DNAH11: variants seen among roughly 807,000 people sequenced by gnomAD.
DNAH11 encodes the protein dynein axonemal heavy chain 11.
DNAH11 carries 442 observed loss-of-function variants against 526.0 expected under a neutral mutation model. That is an observed-to-expected ratio of 0.84 (90% CI 0.78 to 0.91). The LOEUF (loss-of-function observed/expected upper bound fraction) is 0.91. Ranked by LOEUF, DNAH11 falls within the 40% of genes least tolerant of loss-of-function variation. The pLI, the probability that DNAH11 is intolerant of heterozygous loss-of-function variation, is 0.00. For synonymous variants in DNAH11, 2,461 were observed against 1,935.9 expected (o/e 1.27, Z -7.12); for missense variants, 6,989 against 5,448.7 (o/e 1.28, Z -8.90).
At chr7:21,798,302 G>A (rs1039066494) in intron 61 of DNAH11, among the ~76,000 whole-genome samples, 1 of 152,134 alleles carries the variant, frequency 6.6e-6, no homozygotes, top group African/African-American at 2.4e-5. Flanking sequence ...CACCCTGCTG[G>A]CCAAGCCGAT....
Position 21,868,907 on chromosome 7 carries a change from T to A in DNAH11, c.11883T>A (p.Asn3961Lys). 1 of 1,614,018 alleles carries A rather than the reference T, an allele frequency of 6.2e-7. No homozygotes were observed. ...GFTIDSGKFH[N>K]VSLGQGQETV... ...CAATTGACTCTGGAAAATTCCACAA[T>A]GTGTCTTTAGGACAAGGTCAGGAGA... Residue 3961 changes from asparagine (N) to lysine (K), a missense_variant, in exon 73 of 82, where the codon AAT becomes AAA. Transcript: ENST00000409508.
At chr7:21,675,318 C>T (rs2128470499) in intron 30 of DNAH11, among the ~76,000 whole-genome samples, 1 of 152,196 alleles carries the variant, frequency 6.6e-6, no homozygotes, top group South Asian at 2.1e-4. Context: ...CACAGAGCCA[C>T]CCGATCCATT....
chr7:21,784,615 TGA>T, intron 58 of DNAH11, 75 bp downstream of exon 58: 1 of 1,077,648 alleles, frequency 9.3e-7, no homozygotes, highest in Non-Finnish European at 1.3e-6. Context: ...ATAACTGAGC[TGA>T]GAGAGTAGCC....
chr7:21,654,031 T>G (rs974991588), intron 28 of DNAH11, among the ~76,000 whole-genome samples: 35 of 152,210 alleles, frequency 2.3e-4, no homozygotes, highest in Non-Finnish European at 8.8e-5. Context: ...TGCTTGGAAA[T>G]GTTTTGTATT....
intron 45 of DNAH11, among the ~76,000 whole-genome samples, chr7:21,734,935 C>T (rs1290115914): frequency 1.3e-5 from 2 of 151,890 alleles, no homozygotes; most frequent in Non-Finnish European, 2.9e-5. Context: ...ACTTTGGGAG[C>T]CCGAGGCGGG....
At chr7:21,589,186 T>C in intron 11 of DNAH11, 22 bp from the exon 12 acceptor site, 1 of 1,572,648 alleles carries the variant, frequency 6.4e-7, no homozygotes. Flanking sequence ...TATAAACCAG[T>C]AGAAAAACCT....
chr7:21,588,234 A>G lies in DNAH11; in HGVS notation c.1848+33A>G, dbSNP rs180790240. ...GTGGATAAGGTTGGACACATTTACA[A>G]TATCATTTAGGCGGATAATGACCAT... is the stretch of plus-strand genomic sequence containing the variant. On this transcript the variant is annotated intron_variant, in intron 10 of 81. Coordinates refer to ENST00000409508, the MANE Select transcript of DNAH11 (RefSeq NM_001277115.2). 9.0e-5 allele frequency: 144 copies of G among 1,595,374 alleles called. 1 individual carries two copies. The African/African-American group carries it at 1.8e-3, about 20-fold the overall frequency.
intron 55 of DNAH11, among the ~76,000 whole-genome samples, chr7:21,769,216 A>G (rs530770889): frequency 2.0e-5 from 3 of 152,344 alleles, no homozygotes; most frequent in African/African-American, 7.2e-5. Context: ...TGGCTGAGGA[A>G]AGACACAAGT....
In DNAH11 at chr7:21,773,982, A is replaced by G; in HGVS notation, c.9319A>G (p.Lys3107Glu). Reference sequence around the variant, plus strand: ...CCTGGTGAACGGCATCCAAAAGCTAAAAACCACAGCCTCTCAGGTATGACC... The same window carrying G: ...CCTGGTGAACGGCATCCAAAAGCTAGAAACCACAGCCTCTCAGGTATGACC... ...ERLVNGIQKL[K>E]TTASQVGDLK... Residue 3107 changes from lysine to glutamate, a missense_variant, in exon 56 of 82, where the codon AAA becomes GAA. Lys to Glu is a moderately conservative substitution (Grantham distance 56). Transcript: ENST00000409508. The G allele has an allele frequency of 1.9e-6, 3 of 1,567,786 alleles. No homozygotes were observed. Among genetic ancestry groups the G allele is most frequent in the Non-Finnish European group, 2.6e-6 (3 of 1,157,098 alleles).
intron 34 of DNAH11, among the ~76,000 whole-genome samples, chr7:21,690,109 A>G (rs1783549246): frequency 6.6e-6 from 1 of 152,178 alleles, no homozygotes; most frequent in Non-Finnish European, 1.5e-5. Flanking sequence ...ACCCATTTAT[A>G]TTTATAATCC....
intron 65 of DNAH11, among the ~76,000 whole-genome samples, chr7:21,841,607 T>TG (rs945509424): frequency 7.8e-4 from 116 of 149,008 alleles, no homozygotes; most frequent in African/African-American, 2.9e-3. Context: ...TGAGTGAGTG[T>TG]GGGGGTGTGT....
chr7:21,609,027 T>C (rs530443641), intron 20 of DNAH11, among the ~76,000 whole-genome samples: 30 of 152,252 alleles, frequency 2.0e-4, no homozygotes, highest in African/African-American at 6.7e-4. Context: ...GGCATCTCAG[T>C]CCACAAGACA....
intron 10 of DNAH11, 85 bp downstream of exon 10, chr7:21,588,286 T>A (rs965543303): frequency 6.8e-7 from 1 of 1,475,418 alleles, no homozygotes; most frequent in East Asian, 2.3e-5. Flanking sequence ...TGATTATATC[T>A]AAAGATTAGA....
rs1784794601 is a variant in DNAH11 at position 21,901,055 on chromosome 7, A to C, written c.13352A>C (p.Lys4451Thr). ...QAGTIVEARLKELACPMPVIF... is the reference protein window; with the variant it reads ...QAGTIVEARLTELACPMPVIF... Reference sequence around the variant, plus strand: ...GGAACCATTGTTGAAGCCCGTCTCAAGGAGCTGGCATGCCCTATGCCGGTC... The same window carrying C: ...GGAACCATTGTTGAAGCCCGTCTCACGGAGCTGGCATGCCCTATGCCGGTC... Residue 4451 changes from lysine (K) to threonine (T), a missense_variant, in exon 82 of 82, where the codon AAG (lysine) becomes ACG (threonine). Lys to Thr is a moderately conservative substitution (Grantham distance 78). Transcript: ENST00000409508. 1 of 1,613,274 alleles carries C rather than the reference A, an allele frequency of 6.2e-7. No homozygotes were observed. The highest frequency in any genetic ancestry group is 1.3e-5 in the African/African-American group (1 of 74,906).
Position 21,880,901 on chromosome 7 carries a change from C to G in DNAH11, c.12387+8C>G, listed in dbSNP as rs763926047. On this transcript the variant is annotated splice_region_variant and intron_variant, in intron 75 of 81. Transcript: ENST00000409508. Reference sequence around the variant, plus strand: ...TTAGAGGCAAACTCTAAAGTAAGTGCTAGTGGTCAAATAACCTCTTCCAAG... The same window carrying G: ...TTAGAGGCAAACTCTAAAGTAAGTGGTAGTGGTCAAATAACCTCTTCCAAG... 1.7e-5 allele frequency: 27 copies of G among 1,588,642 alleles called. No individual in the cohort carries two copies. In the African/African-American group the frequency reaches 3.7e-4, roughly 22 times the overall value.
rs568643085 is a variant in DNAH11 at position 21,843,736 on chromosome 7, C to T, written c.10896+988C>T. Reference sequence around the variant, plus strand: ...CCTTGTGATCCTCCAGCCTCAGCCTCCCAAAGTGCTGGGATTACAGGCATG... The same window carrying T: ...CCTTGTGATCCTCCAGCCTCAGCCTTCCAAAGTGCTGGGATTACAGGCATG... On this transcript the variant is annotated intron_variant, in intron 66 of 81. Transcript: ENST00000409508. Among the ~76,000 whole-genome samples the T allele has an allele frequency of 2.0e-5, 3 of 152,222 alleles. No homozygotes were observed. The East Asian group carries it at 5.8e-4, about 29-fold the overall frequency.
rs182280784 is a variant in DNAH11, at chr7:21,576,746, A to G, written c.1593+4773A>G. On this transcript the variant is annotated intron_variant, in intron 8 of 81. Coordinates refer to ENST00000409508, the MANE Select transcript of DNAH11 (RefSeq NM_001277115.2). ...TAAGAAAGACAGAATTCTTAAGTGTATTTCAAGGAAATGTAAAAACAAAGT... is the reference window on the plus strand; with the variant it reads ...TAAGAAAGACAGAATTCTTAAGTGTGTTTCAAGGAAATGTAAAAACAAAGT... Among the ~76,000 whole-genome samples the G allele has an allele frequency of 7.0e-4, 107 of 152,300 alleles. 1 individual carries two copies. The highest frequency in any genetic ancestry group is 2.5e-3 in the African/African-American group (104 of 41,570).
chr7:21,562,334 C>A (rs1459043792), intron 5 of DNAH11, among the ~76,000 whole-genome samples: 1 of 152,122 alleles, frequency 6.6e-6, no homozygotes, highest in Non-Finnish European at 1.5e-5. Flanking sequence ...GCCAAATGTC[C>A]CCTGGGGGCA....
chr7:21,675,463 C>G (rs571479806), intron 30 of DNAH11, among the ~76,000 whole-genome samples: 1 of 152,336 alleles, frequency 6.6e-6, no homozygotes, highest in East Asian at 1.9e-4. Context: ...CCTTTCTAAT[C>G]CCTATATCAG....
Sources: gnomAD v4.1 joint callset for allele counts (sites outside exome capture counted in the v4.1 genomes callset) on GRCh38, gnomAD v4.1.1 for gene constraint, MANE v1.5 for transcripts, NCBI Gene and HGNC (gene_info 2026-07-23, HGNC 2026-07-21) for gene names.